The following BSND variants were observed in gnomAD, a reference collection of about 807,000 sequenced individuals.
BSND encodes barttin CLCNK type accessory subunit beta.
Under a neutral mutation model 18.8 loss-of-function variants are expected in BSND, and 13 were observed. That is an observed-to-expected ratio of 0.69 (90% CI 0.45 to 1.10). BSND has a LOEUF of 1.10. Among genes scored for constraint, BSND ranks in the 50% least tolerant of loss-of-function variants. The probability of loss-of-function intolerance (pLI) is 0.00; values close to 1 mark genes in which losing one functional copy is unlikely to be tolerated. For missense variants in BSND, 379 were observed against 416.7 expected, an observed-to-expected ratio of 0.91 and a Z score of 0.79; for synonymous variants, 170 against 161.8, an observed-to-expected ratio of 1.05 and a Z score of -0.39.
At chr1:55,002,733 G>T (rs1644367168) in intron 1 of BSND, among the ~76,000 whole-genome samples, 4 of 152,202 alleles carry the variant, frequency 2.6e-5, no homozygotes, top group Admixed American at 2.6e-4. Flanking sequence ...GGGTGGTGAT[G>T]ATGATATGAT....
chr1:54,999,225 G>A lies in BSND; in HGVS notation c.39G>A (p.Val13=), dbSNP rs199729521. 6.2e-7 allele frequency: 1 copy of A among 1,614,178 alleles called. No individual in the cohort carries two copies. The highest frequency in any genetic ancestry group is 1.3e-5 in the African/African-American group (1 of 75,040). Residue 13 remains valine, a synonymous_variant, in exon 1 of 4, where the codon GTG becomes GTA. Coordinates refer to ENST00000651561, the MANE Select transcript of BSND (RefSeq NM_057176.3). The part of the protein sequence containing the change: ...DEKTFRIGFI[V]LGLFLLALGT... ...AGACCTTCCGGATCGGCTTCATTGT[G>A]CTGGGGCTTTTCCTGCTGGCCCTCG...
At chr1:55,004,615 T>C (rs1231906313) in intron 1 of BSND, among the ~76,000 whole-genome samples, 1 of 152,160 alleles carries the variant, frequency 6.6e-6, no homozygotes, top group East Asian at 1.9e-4. Context: ...CACATGACAA[T>C]GACTTGCTTT....
chr1:55,005,465 A>G (rs977295048), intron 2 of BSND, among the ~76,000 whole-genome samples: 27 of 152,238 alleles, frequency 1.8e-4, no homozygotes, highest in African/African-American at 6.3e-4. Flanking sequence ...CTGACAAACA[A>G]GAGGCATGGT....
In BSND at chr1:55,014,576, G is replaced by A. The variant is rs1228894429; in HGVS notation, c.*5948G>A. ...GCCCATGTGCACCTGGGTCGTTCAA[G>A]CCTACAAGCACTGTGTCATCCAAGC... On this transcript the variant is annotated 3_prime_UTR_variant, in exon 4 of 4. Coordinates refer to ENST00000651561, the MANE Select transcript of BSND (RefSeq NM_057176.3). 6.6e-6 allele frequency among the ~76,000 whole-genome samples: 1 copy of A among 152,216 alleles called. No homozygotes were observed. Among genetic ancestry groups the A allele is most frequent in the East Asian group, 1.9e-4 (1 of 5,198 alleles).
Position 55,009,164 on chromosome 1 carries a change from T to A in BSND, c.*536T>A. 5.7e-6 allele frequency: 1 copy of A among 175,344 alleles called. No homozygotes were observed. Among genetic ancestry groups the A allele is most frequent in the South Asian group, 1.3e-4 (1 of 7,518 alleles). 10.9% of individuals were successfully genotyped at this position (175,344 alleles called of 1,614,324 possible). A position where few individuals can be genotyped will look rare whatever the true frequency, so the allele number is the denominator to read the frequency against. On this transcript the variant is annotated 3_prime_UTR_variant, in exon 4 of 4. Transcript: ENST00000651561. ...ACCTCATTCTCTCTGCTCCTCCAGTTCCAAGCCTAGCCCCCCTGCCCATCT... is the reference window on the plus strand; with the variant it reads ...ACCTCATTCTCTCTGCTCCTCCAGTACCAAGCCTAGCCCCCCTGCCCATCT...
Position 54,999,379 on chromosome 1 carries a change from G to A in BSND, c.177+16G>A, listed in dbSNP as rs1206789643. ...CTACCCCAAGGTAGGTGGTAGTGGG[G>A]CTGGGTGGGGCCAGGTCAGCTGGGG... On this transcript the variant is annotated intron_variant, in intron 1 of 3. Transcript: ENST00000651561. 6.3e-7 allele frequency: 1 copy of A among 1,599,786 alleles called. No homozygotes were observed. The highest frequency in any genetic ancestry group is 1.1e-5 in the South Asian group (1 of 90,214).
intron 1 of BSND, among the ~76,000 whole-genome samples, chr1:55,000,471 G>T (rs1644356060): frequency 6.6e-6 from 1 of 151,530 alleles, no homozygotes; most frequent in East Asian, 1.9e-4. Flanking sequence ...GGGTGGGAAA[G>T]GGGGTATATC....
intron 1 of BSND, among the ~76,000 whole-genome samples, chr1:54,999,724 T>C (rs1644352314): frequency 6.6e-6 from 1 of 152,172 alleles, no homozygotes; most frequent in African/African-American, 2.4e-5. Context: ...TCAGCCCTCA[T>C]CCTAAGCCTT....
At position 55,008,802 on chromosome 1, in the gene BSND, T is replaced by A; in HGVS notation, c.*174T>A. The A allele has an allele frequency of 4.0e-6, 4 of 999,934 alleles. No homozygotes were observed. The highest frequency in any genetic ancestry group is 5.9e-6 in the Non-Finnish European group (4 of 672,926). The allele number at this position is 999,934 out of a possible 1,614,324, so 61.9% of individuals were successfully genotyped here. On this transcript the variant is annotated 3_prime_UTR_variant, in exon 4 of 4. Transcript: ENST00000651561. ...GAGGGGATGATGACTATTAGTGGAC[T>A]CTTGTTTTTCCAATAGTTAGTGGTC... is the stretch of plus-strand genomic sequence containing the variant.
chr1:55,008,615 A>T lies in BSND; in HGVS notation c.950A>T (p.Asp317Val). The T allele has an allele frequency of 6.2e-7, 1 of 1,614,044 alleles. No homozygotes were observed. Among genetic ancestry groups the T allele is most frequent in the Middle Eastern group, 1.6e-4 (1 of 6,062 alleles). ...GACAAGGAGCTGGGTTTTGAGCCTG[A>T]CACCCAAGGCTGAGATGTTTGTGCT... ...LPDKELGFEP[D>V]TQG The change falls in exon 4 of 4, where the codon GAC becomes GTC. Residue 317 changes from aspartate to valine, a missense_variant. Transcript: ENST00000651561.
At chr1:55,006,405 G>A (rs1344759737) in intron 2 of BSND, among the ~76,000 whole-genome samples, 2 of 152,140 alleles carry the variant, frequency 1.3e-5, no homozygotes, top group Non-Finnish European at 2.9e-5. Flanking sequence ...CATGATATCT[G>A]GAGCTCCAGT....
Position 55,010,073 on chromosome 1 carries a change from G to A in BSND, c.*1445G>A, listed in dbSNP as rs1644414024. 1 of 152,254 alleles carries A rather than the reference G, an allele frequency of 6.6e-6. No individual in the cohort carries two copies. Among genetic ancestry groups the A allele is most frequent in the African/African-American group, 2.4e-5 (1 of 41,456 alleles). The allele number at this position is 152,254 out of a possible 1,614,324, so 9.4% of individuals were successfully genotyped here. A position where few individuals can be genotyped will look rare whatever the true frequency, so the allele number is the denominator to read the frequency against. ...AACAATTGGAATTGGATGGCATTTAGTGAGCATCTACTATATGCCAGATAT... is the reference window on the plus strand; with the variant it reads ...AACAATTGGAATTGGATGGCATTTAATGAGCATCTACTATATGCCAGATAT... On this transcript the variant is annotated 3_prime_UTR_variant, in exon 4 of 4. Transcript: ENST00000651561.
At position 55,009,268 on chromosome 1, in the gene BSND, CTCACCCT is replaced by C. The variant is rs1415683587; in HGVS notation, c.*644_*650del. ...CCCTTTTCAGCTTGGCAAATTCGTG[CTCACCCT>C]TCAAACCCCTACACAGATGACCTCC... On this transcript the variant is annotated 3_prime_UTR_variant, in exon 4 of 4. Coordinates refer to ENST00000651561, the MANE Select transcript of BSND (RefSeq NM_057176.3). 6.2e-6 allele frequency: 1 copy of C among 161,876 alleles called. No individual in the cohort carries two copies. The allele number at this position is 161,876 out of a possible 1,614,324, so 10.0% of individuals were successfully genotyped here.
chr1:55,012,213 C>T lies in BSND; in HGVS notation c.*3585C>T, dbSNP rs1644425845. On this transcript the variant is annotated 3_prime_UTR_variant, in exon 4 of 4. Coordinates refer to ENST00000651561, the MANE Select transcript of BSND (RefSeq NM_057176.3). ...ACAGCCCTCCCTGGGCTCCTCTATT[C>T]TCTGTAAAATTGGGTGAGGGTGGGC... is the stretch of plus-strand genomic sequence containing the variant. Among the ~76,000 whole-genome samples the T allele has an allele frequency of 6.6e-6, 1 of 152,208 alleles. No homozygotes were observed. Among genetic ancestry groups the T allele is most frequent in the Admixed American group, 6.5e-5 (1 of 15,288 alleles).
chr1:55,013,763 G>T lies in BSND; in HGVS notation c.*5135G>T, dbSNP rs1300876508. 1.3e-5 allele frequency among the ~76,000 whole-genome samples: 2 copies of T among 152,070 alleles called. No homozygotes were observed. The highest frequency in any genetic ancestry group is 6.5e-5 in the Admixed American group (1 of 15,278). On this transcript the variant is annotated 3_prime_UTR_variant, in exon 4 of 4. Coordinates refer to ENST00000651561, the MANE Select transcript of BSND (RefSeq NM_057176.3). ...ACAAGATAAAATTCAGATTCCTCAG[G>T]CTGGCATTTGAGGCCCTTCATGATC...
Position 55,012,164 on chromosome 1 carries a change from G to A in BSND, c.*3536G>A, listed in dbSNP as rs1321158257. Reference sequence around the variant, plus strand: ...GCAGGGAACCTGGGCTCTGCCGACCGCTCGCCATGACCTTGGGTACATCAC... The same window carrying A: ...GCAGGGAACCTGGGCTCTGCCGACCACTCGCCATGACCTTGGGTACATCAC... On this transcript the variant is annotated 3_prime_UTR_variant, in exon 4 of 4. Transcript: ENST00000651561. 1.3e-5 allele frequency among the ~76,000 whole-genome samples: 2 copies of A among 152,172 alleles called. No homozygotes were observed. Among genetic ancestry groups the A allele is most frequent in the Non-Finnish European group, 2.9e-5 (2 of 68,032 alleles).
In BSND at chr1:55,008,488, G is replaced by A. The variant is rs1164240371; in HGVS notation, c.823G>A (p.Val275Met). 4.3e-6 allele frequency: 7 copies of A among 1,614,114 alleles called. No homozygotes were observed. Among genetic ancestry groups the A allele is most frequent in the African/African-American group, 4.0e-5 (3 of 74,942 alleles). The change falls in exon 4 of 4, where the codon GTG becomes ATG. Residue 275 changes from valine to methionine, a missense_variant. By Grantham distance (21) the Val-to-Met change is conservative. Transcript: ENST00000651561. ...CTGGCAGCGGTACCCAAGGACAAAG[G>A]TGGAGGAGAAGGAGGCTTCGGACAC... is the stretch of plus-strand genomic sequence containing the variant. Reference protein sequence around the residue: ...NNWQRYPRTKVEEKEASDTGG... With the variant: ...NNWQRYPRTKMEEKEASDTGG...
In BSND at chr1:55,008,335, C is replaced by A. The variant is rs1465563174; in HGVS notation, c.670C>A (p.Pro224Thr). ...ACATGACAGGGAGGAAGCTTGTTCC[C>A]CACAACAGGAACCTCAGGGCTGCAG... ...SPHDREEACS[P>T]QQEPQGCRCP... The change falls in exon 4 of 4, where the codon CCA becomes ACA. Residue 224 changes from proline to threonine, a missense_variant. By Grantham distance (38) the Pro-to-Thr change is conservative. Coordinates refer to ENST00000651561, the MANE Select transcript of BSND (RefSeq NM_057176.3). The A allele has an allele frequency of 1.2e-6, 2 of 1,614,216 alleles. No individual in the cohort carries two copies. Among genetic ancestry groups the A allele is most frequent in the Admixed American group, 3.3e-5 (2 of 60,032 alleles).
rs981459192 is a variant in BSND, at chr1:55,011,381, A to G, written c.*2753A>G. On this transcript the variant is annotated 3_prime_UTR_variant, in exon 4 of 4. Transcript: ENST00000651561. ...TACCTTACCTACTCTGTGACCTTTG[A>G]CAAGTCTGGTTGCCTCCGTAGCCCT... is the stretch of plus-strand genomic sequence containing the variant. 2 of 152,216 alleles carry G rather than the reference A, an allele frequency of 1.3e-5. No individual in the cohort carries two copies. Among genetic ancestry groups the G allele is most frequent in the Admixed American group, 1.3e-4 (2 of 15,284 alleles). The allele number at this position is 152,216 out of a possible 1,614,324, so 9.4% of individuals were successfully genotyped here.
Sources: allele counts gnomAD v4.1 joint callset (sites outside exome capture counted in the v4.1 genomes callset), GRCh38; gene constraint gnomAD v4.1.1; transcripts MANE v1.5; gene names NCBI Gene and HGNC (gene_info 2026-07-23, HGNC 2026-07-21).